ANO4: variants seen among roughly 807,000 people sequenced by gnomAD.
ANO4 encodes anoctamin 4.
In ANO4, 69 loss-of-function variants were observed where a neutral mutation model predicts 141.9. The observed-to-expected ratio is 0.49, with a 90% confidence interval of 0.40 to 0.59. ANO4 has a LOEUF of 0.59. Among genes scored for constraint, ANO4 ranks in the 20% least tolerant of loss-of-function variants. The pLI is 0.00. For synonymous variants in ANO4, 350 were observed against 394.3 expected, an observed-to-expected ratio of 0.89 and a Z score of 1.33; for missense variants, 894 against 1,162.2, an observed-to-expected ratio of 0.77 and a Z score of 3.36.
intron 1 of ANO4, among the ~76,000 whole-genome samples, chr12:100,884,587 C>T (rs553933570): frequency 6.6e-5 from 10 of 152,328 alleles, no homozygotes; most frequent in Non-Finnish European, 1.0e-4. Context: ...ATTTATCTTA[C>T]ATTTCTGTGA....
intron 8 of ANO4, among the ~76,000 whole-genome samples, chr12:101,015,293 C>G (rs1053280160): frequency 1.3e-5 from 2 of 152,168 alleles, no homozygotes; most frequent in Non-Finnish European, 1.5e-5. Flanking sequence ...TGTGCATGCA[C>G]AAGCAAATAT....
intron 5 of ANO4, among the ~76,000 whole-genome samples, chr12:100,957,458 A>G (rs1320788944): frequency 6.6e-6 from 1 of 152,212 alleles, no homozygotes; most frequent in Non-Finnish European, 1.5e-5. Flanking sequence ...ACATTTCAAC[A>G]TGAGTTATGG....
At chr12:101,057,522 T>C (rs1186630193) in intron 14 of ANO4, among the ~76,000 whole-genome samples, 3 of 152,182 alleles carry the variant, frequency 2.0e-5, no homozygotes, top group Non-Finnish European at 4.4e-5. Context: ...CTCTCCAGCA[T>C]CTGTTGTTTC....
intron 5 of ANO4, among the ~76,000 whole-genome samples, chr12:100,952,506 C>T (rs1176587184): frequency 6.6e-6 from 1 of 152,166 alleles, no homozygotes; most frequent in Non-Finnish European, 1.5e-5. Context: ...AGCATTCAAT[C>T]CTGTCACCTC....
chr12:100,859,592 A>G (rs981103851), intron 1 of ANO4, among the ~76,000 whole-genome samples: 1 of 152,204 alleles, frequency 6.6e-6, no homozygotes, highest in Admixed American at 6.5e-5. Context: ...AAGATAATAG[A>G]AGACAAACAT....
intron 1 of ANO4, among the ~76,000 whole-genome samples, chr12:100,851,854 C>T (rs1458587221): frequency 6.6e-6 from 1 of 151,984 alleles, no homozygotes; most frequent in African/African-American, 2.4e-5. Flanking sequence ...GAGGGATCAG[C>T]AAATGTAAAG....
intron 3 of ANO4, among the ~76,000 whole-genome samples, chr12:100,744,380 T>G (rs1255664909): frequency 1.3e-5 from 2 of 152,178 alleles, no homozygotes; most frequent in African/African-American, 4.8e-5. Context: ...CTGACCGATT[T>G]GGCGTCTGGT....
intron 3 of ANO4, among the ~76,000 whole-genome samples, chr12:100,937,508 A>G (rs2042332492): frequency 6.6e-6 from 1 of 152,180 alleles, no homozygotes; most frequent in Admixed American, 6.5e-5. Flanking sequence ...GTTCCTCTCC[A>G]TAAGCACCTA....
intron 22 of ANO4, among the ~76,000 whole-genome samples, chr12:101,102,413 G>C (rs2050226982): frequency 6.6e-6 from 1 of 152,096 alleles, no homozygotes; most frequent in Non-Finnish European, 1.5e-5. Flanking sequence ...ATTTGGGTTG[G>C]TATGCAGCAG....
At chr12:101,078,258 C>T (rs530491586) in intron 14 of ANO4, among the ~76,000 whole-genome samples, 8 of 152,086 alleles carry the variant, frequency 5.3e-5, no homozygotes, top group Non-Finnish European at 7.4e-5. Flanking sequence ...AAATATCCAC[C>T]CATTCTCTCT....
chr12:100,817,179 T>G, intron 1 of ANO4, among the ~76,000 whole-genome samples: 1 of 151,950 alleles, frequency 6.6e-6, no homozygotes, highest in East Asian at 1.9e-4. Flanking sequence ...TTTCAACATA[T>G]ATATTAAAAG....
At chr12:100,940,027 A>G (rs115727556) in intron 4 of ANO4, among the ~76,000 whole-genome samples, 2,670 of 150,734 alleles carry the variant, frequency 0.018, 86 homozygotes, top group African/African-American at 0.062. Context: ...TAATAGGCAC[A>G]CCGAATCAGA....
chr12:100,764,176 A>C (rs1225780827), intron 3 of ANO4, among the ~76,000 whole-genome samples: 1 of 152,222 alleles, frequency 6.6e-6, no homozygotes, highest in East Asian at 1.9e-4. Context: ...AATAACATTC[A>C]GCTTCTATCA....
chr12:100,841,544 G>T (rs977819542), intron 1 of ANO4, among the ~76,000 whole-genome samples: 5 of 152,120 alleles, frequency 3.3e-5, no homozygotes, highest in African/African-American at 1.2e-4. Context: ...ATAGGGGGTT[G>T]CAAGCTACCA....
At chr12:100,810,434 G>T (rs1270174298) in intron 1 of ANO4, among the ~76,000 whole-genome samples, 3 of 152,150 alleles carry the variant, frequency 2.0e-5, no homozygotes, top group Non-Finnish European at 4.4e-5. Context: ...GAGATGGGGA[G>T]CCAGGGCATT....
At position 100,834,028 on chromosome 12, in the gene ANO4, G is replaced by A. The variant is rs59634088; in HGVS notation, c.-141+39001G>A. Among the ~76,000 whole-genome samples, 949 of 152,216 alleles carry A rather than the reference G, an allele frequency of 6.2e-3. 10 individuals carry two copies. Among genetic ancestry groups the A allele is most frequent in the East Asian group, 0.034 (177 of 5,150 alleles). ...TTGGGAGGGCTAAGGTAGCTCACTC[G>A]ATTCACCAGTCTAGAGAACCAAGCT... On this transcript the variant is annotated intron_variant, in intron 1 of 27. Coordinates refer to ENST00000392977, the MANE Select transcript of ANO4 (RefSeq NM_001286615.2).
At chr12:101,102,401 C>T (rs947413860) in intron 22 of ANO4, among the ~76,000 whole-genome samples, 33 of 152,220 alleles carry the variant, frequency 2.2e-4, no homozygotes, top group Non-Finnish European at 4.3e-4. Flanking sequence ...CGTATTTTAG[C>T]CATTTGGGTT....
At chr12:100,790,554 C>T (rs1243770710), upstream of ANO4, among the ~76,000 whole-genome samples, 1 of 151,976 alleles carries the variant, frequency 6.6e-6, no homozygotes, top group East Asian at 1.9e-4. Context: ...CATTGGTGCA[C>T]ACACACATAC....
At chr12:100,786,652 A>G (rs1014884223) in intron 3 of ANO4, among the ~76,000 whole-genome samples, 2 of 152,144 alleles carry the variant, frequency 1.3e-5, no homozygotes, top group African/African-American at 4.8e-5. Context: ...AATTCCAACT[A>G]GAAAGTGTGT....
Sources: gnomAD v4.1 joint callset for allele counts (sites outside exome capture counted in the v4.1 genomes callset) on GRCh38, gnomAD v4.1.1 for gene constraint, MANE v1.5 for transcripts, NCBI Gene and HGNC (gene_info 2026-07-23, HGNC 2026-07-21) for gene names.